PTPRD: variants seen among roughly 807,000 people sequenced by gnomAD.
The protein encoded by PTPRD is receptor-type tyrosine-protein phosphatase delta.
In PTPRD, 34 loss-of-function variants were observed where a neutral mutation model predicts 214.5. The observed-to-expected ratio is 0.16, with a 90% CI of 0.12 to 0.21. PTPRD has a LOEUF of 0.21. PTPRD is among the 10% of genes least tolerant of loss of function. PTPRD has a pLI of 1.00. For synonymous variants in PTPRD, 1,128 were observed against 845.7 expected (o/e 1.33, Z -5.79); for missense variants, 2,545 against 2,398.7 (o/e 1.06, Z -1.27).
intron 3 of PTPRD, among the ~76,000 whole-genome samples, chr9:10,214,467 G>A (rs1319322907): frequency 6.7e-6 from 1 of 149,600 alleles, no homozygotes; most frequent in Non-Finnish European, 1.5e-5. Flanking sequence ...ATATAGATGG[G>A]GTTTCACCAT....
intron 4 of PTPRD, among the ~76,000 whole-genome samples, chr9:9,994,393 A>G (rs1248689249): frequency 1.3e-5 from 2 of 152,172 alleles, no homozygotes; most frequent in Non-Finnish European, 2.9e-5. Context: ...TTACCTCTCT[A>G]GAATAATTTA....
chr9:9,191,752 A>G (rs1226046905), intron 9 of PTPRD, among the ~76,000 whole-genome samples: 2 of 152,108 alleles, frequency 1.3e-5, no homozygotes, highest in South Asian at 2.1e-4. Flanking sequence ...AGCTTCTTGC[A>G]TCAATTAATT....
At chr9:9,159,677 T>C (rs1411170276) in intron 10 of PTPRD, among the ~76,000 whole-genome samples, 2 of 152,162 alleles carry the variant, frequency 1.3e-5, no homozygotes, top group African/African-American at 4.8e-5. Flanking sequence ...CAAAATTCAA[T>C]GTCATTTTTC....
intron 2 of PTPRD, among the ~76,000 whole-genome samples, chr9:10,553,330 T>C (rs1438456209): frequency 2.0e-5 from 3 of 149,874 alleles, no homozygotes; most frequent in Non-Finnish European, 3.0e-5. Flanking sequence ...CATAGACTCA[T>C]ATGTTAACAA....
intron 14 of PTPRD, among the ~76,000 whole-genome samples, chr9:8,551,988 C>T (rs1301864677): frequency 6.6e-6 from 1 of 152,172 alleles, no homozygotes; most frequent in African/African-American, 2.4e-5. Context: ...GGCTGTACTT[C>T]AATTGTAGCT....
At chr9:8,537,087 G>A (rs1333682796) in intron 14 of PTPRD, among the ~76,000 whole-genome samples, 2 of 151,934 alleles carry the variant, frequency 1.3e-5, no homozygotes, top group Admixed American at 1.3e-4. Context: ...GATGGCAGCA[G>A]GGTATAATTT....
intron 11 of PTPRD, among the ~76,000 whole-genome samples, chr9:8,874,012 G>T (rs879789069): frequency 6.6e-6 from 1 of 152,150 alleles, no homozygotes; most frequent in Non-Finnish European, 1.5e-5. Flanking sequence ...ACTTTGAGGG[G>T]CAAAACTACA....
intron 3 of PTPRD, among the ~76,000 whole-genome samples, chr9:10,325,120 T>A (rs1490135628): frequency 6.6e-6 from 1 of 152,044 alleles, no homozygotes; most frequent in East Asian, 1.9e-4. Flanking sequence ...GAGACAAGTA[T>A]TCTAGAAGAG....
At chr9:8,951,099 G>C (rs1250199612) in intron 11 of PTPRD, among the ~76,000 whole-genome samples, 4 of 151,414 alleles carry the variant, frequency 2.6e-5, no homozygotes, top group Non-Finnish European at 5.9e-5. Context: ...AAGGCTAAAA[G>C]TTTATGTGGT....
chr9:9,353,292 G>C (rs777669975), intron 9 of PTPRD, among the ~76,000 whole-genome samples: 2 of 151,874 alleles, frequency 1.3e-5, no homozygotes, highest in Non-Finnish European at 2.9e-5. Context: ...GTATAAAAAT[G>C]TTGTATTTTT....
At chr9:9,053,498 T>C (rs554777003) in intron 10 of PTPRD, among the ~76,000 whole-genome samples, 2 of 152,172 alleles carry the variant, frequency 1.3e-5, no homozygotes, top group East Asian at 3.9e-4. Context: ...ATTTCCTGAA[T>C]ACAATGACTG....
chr9:8,657,679 T>C lies in PTPRD; in HGVS notation c.65-20835A>G, dbSNP rs568466606. Among the ~76,000 whole-genome samples, 8 of 152,308 alleles carry C rather than the reference T, an allele frequency of 5.3e-5. No individual in the cohort carries two copies. The East Asian group carries it at 1.5e-3, about 29-fold the overall frequency. On this transcript the variant is annotated intron_variant, in intron 12 of 45. Transcript: ENST00000381196. Reference sequence around the variant, plus strand: ...CAATTTTTGCTTTTGTTGCAATTGTTTTTGGGGTATTCATCATGAAATCTT... The same window carrying C: ...CAATTTTTGCTTTTGTTGCAATTGTCTTTGGGGTATTCATCATGAAATCTT...
intron 11 of PTPRD, among the ~76,000 whole-genome samples, chr9:8,844,676 G>T (rs1340830710): frequency 1.3e-5 from 2 of 151,936 alleles, no homozygotes; most frequent in East Asian, 3.9e-4. Context: ...AAGGAAGATG[G>T]GTATAAATAA....
chr9:8,917,203 G>A (rs1394357995), intron 11 of PTPRD, among the ~76,000 whole-genome samples: 2 of 148,294 alleles, frequency 1.3e-5, no homozygotes, highest in Non-Finnish European at 3.0e-5. Context: ...CTCTCGGCTC[G>A]CTGCAACCTC....
intron 3 of PTPRD, among the ~76,000 whole-genome samples, chr9:10,136,582 A>ATCTC (rs1320682478): frequency 4.6e-5 from 4 of 86,544 alleles, no homozygotes; most frequent in East Asian, 7.7e-4. Context: ...CGTTAAACCT[A>ATCTC]AAACCATAAA....
intron 5 of PTPRD, among the ~76,000 whole-genome samples, chr9:9,926,860 T>C (rs867822052): frequency 1.3e-5 from 2 of 152,192 alleles, no homozygotes; most frequent in Non-Finnish European, 2.9e-5. Flanking sequence ...TTCAGTGTTA[T>C]ATCATAAATT....
At chr9:8,515,654 A>G (rs2097769935) in intron 21 of PTPRD, among the ~76,000 whole-genome samples, 2 of 152,300 alleles carry the variant, frequency 1.3e-5, no homozygotes, top group South Asian at 4.1e-4. Context: ...TGATCAGATG[A>G]TGCTTCTACA....
intron 21 of PTPRD, 130 bp downstream of exon 21, chr9:8,517,718 G>A (rs1254280542): frequency 6.8e-6 from 5 of 731,036 alleles, no homozygotes; most frequent in Non-Finnish European, 1.1e-5. Flanking sequence ...TCTATCATCT[G>A]TTGCTTTGAA....
At chr9:9,418,910 C>T (rs975155812) in intron 8 of PTPRD, among the ~76,000 whole-genome samples, 1 of 151,748 alleles carries the variant, frequency 6.6e-6, no homozygotes, top group Non-Finnish European at 1.5e-5. Flanking sequence ...TTGAATTGGG[C>T]TTTTAGTTGA....
Sources: gnomAD v4.1 joint callset for allele counts (sites outside exome capture counted in the v4.1 genomes callset) on GRCh38, gnomAD v4.1.1 for gene constraint, MANE v1.5 for transcripts, NCBI Gene and HGNC (gene_info 2026-07-23, HGNC 2026-07-21) for gene names.